C12orf60: variants seen among roughly 807,000 people sequenced by gnomAD.
C12orf60 encodes the protein uncharacterized protein C12orf60.
For synonymous variants in C12orf60, 102 were observed against 94.6 expected, an observed-to-expected ratio of 1.08 and a Z score of -0.45; for missense variants, 284 against 283.2, an observed-to-expected ratio of 1.00 and a Z score of -0.02.
chr12:14,822,003 T>G (rs1165093838), intron 1 of C12orf60, among the ~76,000 whole-genome samples: 7 of 14,358 alleles, frequency 4.9e-4, no homozygotes, highest in East Asian at 3.7e-3. Context: ...GAGGTGTGTG[T>G]GGGGGTGGGG....
At chr12:14,820,534 A>G (rs1950290303) in intron 1 of C12orf60, among the ~76,000 whole-genome samples, 1 of 151,824 alleles carries the variant, frequency 6.6e-6, no homozygotes, top group Admixed American at 6.6e-5. Context: ...ATATATTTTC[A>G]TTTTCATTCA....
chr12:14,806,211 G>T, intron 1 of C12orf60: 1 of 1,614,122 alleles, frequency 6.2e-7, no homozygotes, highest in Non-Finnish European at 8.5e-7. Context: ...AAGGAGAGAA[G>T]CACCAATTTG....
At chr12:14,807,671 CT>C (rs1950074499) in intron 1 of C12orf60, among the ~76,000 whole-genome samples, 1 of 152,110 alleles carries the variant, frequency 6.6e-6, no homozygotes, top group Non-Finnish European at 1.5e-5. Context: ...ATATTCAAGA[CT>C]CTTTGGATTA....
At chr12:14,806,698 T>C (rs1950057797) in intron 1 of C12orf60, 1 of 1,557,300 alleles carries the variant, frequency 6.4e-7, no homozygotes, top group African/African-American at 1.4e-5. Flanking sequence ...ATATGATCGC[T>C]GAAAAATAAA....
intron 1 of C12orf60, chr12:14,806,320 G>A (rs1381347457): frequency 1.1e-5 from 18 of 1,614,080 alleles, no homozygotes; most frequent in Non-Finnish European, 1.5e-5. Flanking sequence ...GCTTCTCCCA[G>A]GATGACCGAA....
chr12:14,806,521 T>A, intron 1 of C12orf60: 3 of 1,614,148 alleles, frequency 1.9e-6, no homozygotes, highest in Non-Finnish European at 2.5e-6. Context: ...TTCATCTCAA[T>A]GGAGGCCAGC....
chr12:14,823,156 T>C lies in C12orf60; in HGVS notation c.221T>C (p.Val74Ala), dbSNP rs772623424. 1.2e-5 allele frequency: 19 copies of C among 1,614,076 alleles called. No individual in the cohort carries two copies. The highest frequency in any genetic ancestry group is 1.4e-5 in the Non-Finnish European group (16 of 1,180,036). ...ATTTTTAAGGAGATGCAATCTGTAG[T>C]GGATGCAAGACATGACAAAATTCAA... ...LKIFKEMQSV[V>A]DARHDKIQKE... The change falls in exon 2 of 2, where the codon GTG (valine) becomes GCG (alanine). Residue 74 changes from valine (V) to alanine (A), a missense_variant. Transcript: ENST00000330828.
rs372405746 is a variant in C12orf60 at position 14,823,525 on chromosome 12, C to G, written c.590C>G (p.Thr197Ser). 14 of 1,613,684 alleles carry G rather than the reference C, an allele frequency of 8.7e-6. No homozygotes were observed. The African/African-American group carries it at 1.1e-4, about 12-fold the overall frequency. Residue 197 changes from threonine (T) to serine (S), a missense_variant, in exon 2 of 2, where the codon ACT becomes AGT. Thr to Ser is a moderately conservative substitution (Grantham distance 58, BLOSUM62 1). Coordinates refer to ENST00000330828, the MANE Select transcript of C12orf60 (RefSeq NM_175874.4). Reference sequence around the variant, plus strand: ...AAAAAACTGCAGGATGTACTAAAAACTGAGGATTCCAAAAATCCCACAAAG... The same window carrying G: ...AAAAAACTGCAGGATGTACTAAAAAGTGAGGATTCCAAAAATCCCACAAAG... Reference protein sequence around the residue: ...TLKKLQDVLKTEDSKNPTKSA... With the variant: ...TLKKLQDVLKSEDSKNPTKSA...
intron 1 of C12orf60, chr12:14,806,639 C>T (rs750630915): frequency 1.9e-6 from 3 of 1,610,524 alleles, no homozygotes; most frequent in South Asian, 2.2e-5. Flanking sequence ...CTTCTTCCCG[C>T]CTTTTTGGGT....
At chr12:14,810,437 T>G (rs971389146) in intron 1 of C12orf60, among the ~76,000 whole-genome samples, 1 of 152,208 alleles carries the variant, frequency 6.6e-6, no homozygotes, top group Non-Finnish European at 1.5e-5. Context: ...AGGTTAGTAC[T>G]TACCACGTGT....
intron 1 of C12orf60, among the ~76,000 whole-genome samples, chr12:14,820,469 CTT>C (rs1565422685): frequency 2.6e-5 from 4 of 151,984 alleles, no homozygotes; most frequent in African/African-American, 9.7e-5. Context: ...AATATAAACA[CTT>C]AATCTACAGA....
intron 1 of C12orf60, among the ~76,000 whole-genome samples, chr12:14,817,574 C>T (rs1217114760): frequency 6.6e-6 from 1 of 152,048 alleles, no homozygotes; most frequent in Non-Finnish European, 1.5e-5. Context: ...AGTGAGAACA[C>T]GTGGTGTTTG....
Position 14,823,379 on chromosome 12 carries a change from C to G in C12orf60, c.444C>G (p.Ile148Met). The stretch of plus-strand genomic sequence containing the variant: ...TTTCACACTTGATGAAATTCCCCAT[C>G]ATGAATCTTCAATTAAGTGACTTCT... ...SSLSHLMKFP[I>M]MNLQLSDFYT... Residue 148 changes from isoleucine to methionine, a missense_variant, in exon 2 of 2, where the codon ATC becomes ATG. Physicochemically the swap from Ile to Met is conservative, Grantham distance 10. Coordinates refer to ENST00000330828, the MANE Select transcript of C12orf60 (RefSeq NM_175874.4). 1 of 1,614,072 alleles carries G rather than the reference C, an allele frequency of 6.2e-7. No homozygotes were observed. The highest frequency in any genetic ancestry group is 8.5e-7 in the Non-Finnish European group (1 of 1,179,996).
At chr12:14,805,031 G>A (rs1950026859) in intron 1 of C12orf60, 1 of 152,156 alleles carries the variant, frequency 6.6e-6, no homozygotes, top group Admixed American at 6.6e-5. Flanking sequence ...CCATTAATAG[G>A]CTTCCATAGC....
At chr12:14,805,951 T>G (rs532916993) in intron 1 of C12orf60, 1 of 1,508,236 alleles carries the variant, frequency 6.6e-7, no homozygotes, top group Admixed American at 2.0e-5. Flanking sequence ...AAGCAAACAC[T>G]GTTACTGAAA....
intron 1 of C12orf60, among the ~76,000 whole-genome samples, chr12:14,818,038 T>A (rs1455953446): frequency 6.6e-6 from 1 of 152,242 alleles, no homozygotes; most frequent in Non-Finnish European, 1.5e-5. Context: ...TGGCATGAGA[T>A]GGTATCTCAC....
intron 1 of C12orf60, chr12:14,806,064 G>A (rs1195116962): frequency 1.2e-6 from 2 of 1,614,138 alleles, no homozygotes; most frequent in African/African-American, 2.7e-5. Flanking sequence ...ATATTTTTCT[G>A]AGGCTGATTT....
chr12:14,813,188 A>C (rs892571670), intron 1 of C12orf60, among the ~76,000 whole-genome samples: 2 of 152,214 alleles, frequency 1.3e-5, no homozygotes, highest in Non-Finnish European at 2.9e-5. Context: ...AAAAAGAAAG[A>C]AAAAGAAAAA....
At chr12:14,807,279 T>C (rs946966096) in intron 1 of C12orf60, among the ~76,000 whole-genome samples, 8 of 152,370 alleles carry the variant, frequency 5.3e-5, no homozygotes, top group Non-Finnish European at 1.0e-4. Context: ...CAAGCATCTG[T>C]TTATTAATAA....
Sources: gnomAD v4.1 joint callset for allele counts (sites outside exome capture counted in the v4.1 genomes callset) on GRCh38, gnomAD v4.1.1 for gene constraint, MANE v1.5 for transcripts, NCBI Gene and HGNC (gene_info 2026-07-23, HGNC 2026-07-21) for gene names.